The following NR2F1-AS1 variants were observed in gnomAD, a reference collection of about 807,000 sequenced individuals.
The protein encoded by NR2F1-AS1 is NR2F1 antisense RNA 1.
At chr5:93,441,761 A>G (rs922179435) in intron 4 of NR2F1-AS1, among the ~76,000 whole-genome samples, 2 of 152,204 alleles carry the variant, frequency 1.3e-5, no homozygotes, top group African/African-American at 4.8e-5. Flanking sequence ...TTTGTCATAA[A>G]AATTAGTTAA....
At chr5:93,505,461 T>A (rs1399493286) in intron 4 of NR2F1-AS1, among the ~76,000 whole-genome samples, 1 of 152,202 alleles carries the variant, frequency 6.6e-6, no homozygotes, top group Non-Finnish European at 1.5e-5. Context: ...CAACCCCACA[T>A]TTCCCTTCTG....
chr5:93,456,644 T>G (rs1258418926), intron 4 of NR2F1-AS1, among the ~76,000 whole-genome samples: 1 of 151,642 alleles, frequency 6.6e-6, no homozygotes, highest in African/African-American at 2.4e-5. Context: ...CTCAAATAAT[T>G]TTTTACATTT....
intron 4 of NR2F1-AS1, among the ~76,000 whole-genome samples, chr5:93,539,810 A>G (rs1340918217): frequency 1.3e-5 from 2 of 152,224 alleles, no homozygotes; most frequent in African/African-American, 2.4e-5. Flanking sequence ...TGATGGATAC[A>G]CTAAGTAACC....
intron 4 of NR2F1-AS1, among the ~76,000 whole-genome samples, chr5:93,516,069 G>A (rs1476487039): frequency 6.6e-6 from 1 of 151,878 alleles, no homozygotes; most frequent in Non-Finnish European, 1.5e-5. Flanking sequence ...CGCAAAAAAT[G>A]AATGAATGAA....
chr5:93,498,704 A>G (rs1323633464), intron 4 of NR2F1-AS1, among the ~76,000 whole-genome samples: 2 of 152,166 alleles, frequency 1.3e-5, no homozygotes, highest in African/African-American at 4.8e-5. Context: ...AAAGAAAGCA[A>G]CAGGGAAGAC....
chr5:93,504,482 A>G (rs1201008943), intron 4 of NR2F1-AS1, among the ~76,000 whole-genome samples: 1 of 152,200 alleles, frequency 6.6e-6, no homozygotes, highest in Non-Finnish European at 1.5e-5. Context: ...AAAAAATAGG[A>G]AAAGCTATCC....
rs535237479 is a variant in NR2F1-AS1 at position 93,563,844 on chromosome 5, T to C, written n.314-381A>G. Reference sequence around the variant, plus strand: ...CAGGCCGGGTGCAGTGGCTCATGCCTGTAATCCCAGCACTTTGGGAAGCTG... The same window carrying C: ...CAGGCCGGGTGCAGTGGCTCATGCCCGTAATCCCAGCACTTTGGGAAGCTG... On this transcript the variant is annotated intron_variant and non_coding_transcript_variant, in intron 1 of 5. Coordinates refer to ENST00000660523, the Ensembl canonical transcript of NR2F1-AS1. Among the ~76,000 whole-genome samples the C allele has an allele frequency of 1.2e-4, 19 of 152,102 alleles. No homozygotes were observed. The East Asian group carries it at 3.7e-3, about 29-fold the overall frequency.
chr5:93,553,158 C>G (rs1160585866), intron 4 of NR2F1-AS1, among the ~76,000 whole-genome samples: 1 of 137,186 alleles, frequency 7.3e-6, no homozygotes, highest in African/African-American at 2.8e-5. Flanking sequence ...GAGACACAGT[C>G]TTGCTCTGTC....
intron 4 of NR2F1-AS1, among the ~76,000 whole-genome samples, chr5:93,536,314 T>C (rs538754529): frequency 1.3e-5 from 2 of 152,204 alleles, no homozygotes; most frequent in South Asian, 4.2e-4. Context: ...TGGAAAGATA[T>C]CCCATGTTCA....
chr5:93,517,296 T>C (rs1404305705), intron 4 of NR2F1-AS1, among the ~76,000 whole-genome samples: 1 of 152,006 alleles, frequency 6.6e-6, no homozygotes, highest in Admixed American at 6.6e-5. Context: ...AAATCTGATT[T>C]CAGAGAAACC....
intron 4 of NR2F1-AS1, among the ~76,000 whole-genome samples, chr5:93,552,684 AAAG>A (rs1262362508): frequency 2.6e-5 from 4 of 152,166 alleles, no homozygotes; most frequent in Non-Finnish European, 5.9e-5. Context: ...AAAAAAAAAA[AAAG>A]GACACGAGCA....
chr5:93,469,862 T>C (rs888944862), intron 4 of NR2F1-AS1, among the ~76,000 whole-genome samples: 2 of 152,172 alleles, frequency 1.3e-5, no homozygotes, highest in Non-Finnish European at 2.9e-5. Context: ...TGACTCTCCC[T>C]AACCCTCATT....
intron 1 of NR2F1-AS1, among the ~76,000 whole-genome samples, chr5:93,569,275 G>A (rs910632614): frequency 7.0e-4 from 107 of 152,262 alleles, no homozygotes; most frequent in African/African-American, 2.1e-3. Flanking sequence ...AAGCAATTCG[G>A]CCAAGAGAGG....
chr5:93,433,446 G>C lies in NR2F1-AS1; in HGVS notation n.639-37904C>G, dbSNP rs1749368081. ...TCTAAGAAACAAAGAAATGATACCT[G>C]GCTCAGGCAGGGTTCCTCTCTTTTG... is the stretch of plus-strand genomic sequence containing the variant. On this transcript the variant is annotated intron_variant and non_coding_transcript_variant, in intron 4 of 5. Coordinates refer to ENST00000660523, the Ensembl canonical transcript of NR2F1-AS1. Among the ~76,000 whole-genome samples, 3 of 152,132 alleles carry C rather than the reference G, an allele frequency of 2.0e-5. No homozygotes were observed. The South Asian group carries it at 6.2e-4, about 32-fold the overall frequency.
intron 4 of NR2F1-AS1, among the ~76,000 whole-genome samples, chr5:93,511,926 T>G (rs1325872804): frequency 1.3e-5 from 2 of 152,172 alleles, no homozygotes; most frequent in Non-Finnish European, 2.9e-5. Flanking sequence ...TCTTCCACGT[T>G]TAGGTCCCTG....
At chr5:93,442,117 C>A (rs1749583846) in intron 4 of NR2F1-AS1, among the ~76,000 whole-genome samples, 1 of 152,184 alleles carries the variant, frequency 6.6e-6, no homozygotes, top group Non-Finnish European at 1.5e-5. Context: ...GTCTACAGCT[C>A]CCAGCGTGAG....
chr5:93,427,849 G>C (rs1749227165), intron 4 of NR2F1-AS1, among the ~76,000 whole-genome samples: 1 of 151,952 alleles, frequency 6.6e-6, no homozygotes, highest in South Asian at 2.1e-4. Flanking sequence ...GTTCATCAAA[G>C]GCTGAACTCT....
intron 4 of NR2F1-AS1, among the ~76,000 whole-genome samples, chr5:93,440,165 C>T (rs1408180096): frequency 2.0e-5 from 3 of 151,960 alleles, no homozygotes; most frequent in Admixed American, 1.3e-4. Context: ...TCCCTCAATC[C>T]TCTTTCTCTC....
At chr5:93,483,521 A>C (rs1750647332) in intron 4 of NR2F1-AS1, among the ~76,000 whole-genome samples, 2 of 152,186 alleles carry the variant, frequency 1.3e-5, no homozygotes, top group Non-Finnish European at 2.9e-5. Context: ...TGAAAATTCC[A>C]AAAACCAGAA....
Sources: gnomAD v4.1 joint callset for allele counts (sites outside exome capture counted in the v4.1 genomes callset) on GRCh38, gnomAD v4.1.1 for gene constraint, MANE v1.5 for transcripts, NCBI Gene and HGNC (gene_info 2026-07-23, HGNC 2026-07-21) for gene names.